Variants in PARD3B observed in about 807,000 individuals in gnomAD.
PARD3B encodes the protein par-3 family cell polarity regulator beta.
Under a neutral mutation model 130.2 loss-of-function variants are expected in PARD3B, and 103 were observed. The observed-to-expected ratio is 0.79, with a 90% CI of 0.67 to 0.93. The LOEUF (loss-of-function observed/expected upper bound fraction) is 0.93. Ranked by LOEUF, PARD3B falls within the 40% of genes least tolerant of loss-of-function variation. The pLI, the probability that PARD3B is intolerant of heterozygous loss-of-function variation, is 0.00. For missense variants in PARD3B, 1,609 were observed against 1,499.2 expected (o/e 1.07, Z -1.21); for synonymous variants, 583 against 553.2 (o/e 1.05, Z -0.76).
At chr2:204,825,679 A>G (rs181780889) in intron 2 of PARD3B, among the ~76,000 whole-genome samples, 46 of 152,290 alleles carry the variant, frequency 3.0e-4, no homozygotes, top group Admixed American at 7.2e-4. Flanking sequence ...AGTTAGGTGA[A>G]ATTCTAAATT....
intron 15 of PARD3B, among the ~76,000 whole-genome samples, chr2:205,209,417 A>C (rs556833366): frequency 6.6e-6 from 1 of 152,284 alleles, no homozygotes. Context: ...TTGTTTTCAT[A>C]TAAGAACATC....
intron 1 of PARD3B, among the ~76,000 whole-genome samples, chr2:204,605,131 T>A (rs1232778107): frequency 6.6e-6 from 1 of 152,174 alleles, no homozygotes; most frequent in East Asian, 1.9e-4. Context: ...GCTGCAAGGC[T>A]TCTTGTGACC....
Position 204,976,717 on chromosome 2 carries a change from C to G in PARD3B, c.394+11394C>G, listed in dbSNP as rs758964491. ...CCACCCCTGGACTCTAGCAATTCTT[C>G]TACCTCAGCCTCCTGAGTAGCTGGG... On this transcript the variant is annotated intron_variant, in intron 3 of 22. Transcript: ENST00000406610. 3.5e-4 allele frequency among the ~76,000 whole-genome samples: 52 copies of G among 147,132 alleles called. 1 individual carries two copies. The highest frequency in any genetic ancestry group is 6.8e-4 in the Non-Finnish European group (46 of 67,518).
rs1400101426 is a variant in PARD3B, at chr2:205,255,400, A to G, written c.2185+9578A>G. Reference sequence around the variant, plus strand: ...TTCAATTCTGGTCACCAAAATGTGTATGGTTTTTCCCCACACACACTGACC... The same window carrying G: ...TTCAATTCTGGTCACCAAAATGTGTGTGGTTTTTCCCCACACACACTGACC... On this transcript the variant is annotated intron_variant, in intron 16 of 22. Transcript: ENST00000406610. Among the ~76,000 whole-genome samples, 13 of 152,148 alleles carry G rather than the reference A, an allele frequency of 8.5e-5. 1 individual carries two copies. Among genetic ancestry groups the G allele is most frequent in the Non-Finnish European group, 1.5e-5 (1 of 68,008 alleles).
In PARD3B at chr2:205,461,944, G is replaced by A. The variant is rs1470918400; in HGVS notation, c.3044+21272G>A. Among the ~76,000 whole-genome samples, 4 of 152,188 alleles carry A rather than the reference G, an allele frequency of 2.6e-5. No individual in the cohort carries two copies. The highest frequency in any genetic ancestry group is 5.9e-5 in the Non-Finnish European group (4 of 68,030). ...AAAGGAAGAAATACTAAAATCAAAA[G>A]TAGACTTTATGAGTAAGTGTGACAA... On this transcript the variant is annotated intron_variant, in intron 20 of 22. Transcript: ENST00000406610. The surrounding 1 kb of genome is among the most constrained non-coding windows in gnomAD (Gnocchi z 4.3).
chr2:204,577,896 TA>T, intron 1 of PARD3B, among the ~76,000 whole-genome samples: 2 of 152,328 alleles, frequency 1.3e-5, no homozygotes, highest in Middle Eastern at 6.8e-3. Flanking sequence ...TGATGGTTTG[TA>T]AAGAGTGATA....
rs1043989676 is a variant in PARD3B, at chr2:205,592,833, G to A, written c.3261-22623G>A. 4.6e-5 allele frequency among the ~76,000 whole-genome samples: 7 copies of A among 152,164 alleles called. No individual in the cohort carries two copies. Among genetic ancestry groups the A allele is most frequent in the Admixed American group, 6.5e-5 (1 of 15,274 alleles). On this transcript the variant is annotated intron_variant, in intron 22 of 22. Coordinates refer to ENST00000406610, the MANE Select transcript of PARD3B (RefSeq NM_001302769.2). This position sits in a 1 kb window ranked among gnomAD's most constrained non-coding sequence, Gnocchi z 4.5. ...GGCCTCTGAGCTACTTGCCCAAACC[G>A]AACTCTGTCTTCAAGGTTCCCTTAA...
intron 18 of PARD3B, among the ~76,000 whole-genome samples, chr2:205,337,037 T>A (rs935408473): frequency 1.3e-5 from 2 of 152,202 alleles, no homozygotes; most frequent in Non-Finnish European, 2.9e-5. Flanking sequence ...CAAGTGTTAT[T>A]TTTTAAAAGT....
chr2:204,917,556 C>T (rs902294517), intron 2 of PARD3B, among the ~76,000 whole-genome samples: 7 of 152,092 alleles, frequency 4.6e-5, no homozygotes, highest in Non-Finnish European at 7.4e-5. Context: ...TCAGGAGTTT[C>T]GTTTGGGACA....
At chr2:204,839,353 A>G (rs1425681409) in intron 2 of PARD3B, among the ~76,000 whole-genome samples, 2 of 152,194 alleles carry the variant, frequency 1.3e-5, no homozygotes, top group Admixed American at 6.5e-5. Context: ...TTTGTTGAGT[A>G]AAAGTATTCT....
Position 205,163,762 on chromosome 2 carries a change from G to A in PARD3B, c.1620+4855G>A, listed in dbSNP as rs180798128. Among the ~76,000 whole-genome samples, 26 of 152,120 alleles carry A rather than the reference G, an allele frequency of 1.7e-4. No homozygotes were observed. In the East Asian group the frequency reaches 3.1e-3, roughly 18 times the overall value. ...ACTAATTTCCACCCCCATCTCTGCC[G>A]GTATCTATAAATCATGTGATAGATC... is the stretch of plus-strand genomic sequence containing the variant. On this transcript the variant is annotated intron_variant, in intron 11 of 22. Coordinates refer to ENST00000406610, the MANE Select transcript of PARD3B (RefSeq NM_001302769.2).
intron 20 of PARD3B, among the ~76,000 whole-genome samples, chr2:205,479,895 A>ATTTTT (rs71032475): frequency 1.6e-4 from 20 of 127,874 alleles, no homozygotes; most frequent in East Asian, 4.9e-4. Context: ...GCCATATGCA[A>ATTTTT]TTTTTTTTTT....
At chr2:205,017,589 C>T (rs1165971339) in intron 3 of PARD3B, among the ~76,000 whole-genome samples, 1 of 152,168 alleles carries the variant, frequency 6.6e-6, no homozygotes, top group Non-Finnish European at 1.5e-5. Context: ...GGATGGCTCT[C>T]TTTTGTATAA....
chr2:205,161,169 A>G (rs2034482289), intron 11 of PARD3B, among the ~76,000 whole-genome samples: 1 of 152,304 alleles, frequency 6.6e-6, no homozygotes, highest in Non-Finnish European at 1.5e-5. Context: ...TTTATGGGCA[A>G]TAACTTAAGC....
rs2054405402 is a variant in PARD3B, at chr2:205,592,072, A to G, written c.3261-23384A>G. Among the ~76,000 whole-genome samples the G allele has an allele frequency of 6.6e-6, 1 of 152,156 alleles. No homozygotes were observed. Among genetic ancestry groups the G allele is most frequent in the Non-Finnish European group, 1.5e-5 (1 of 68,012 alleles). On this transcript the variant is annotated intron_variant, in intron 22 of 22. Transcript: ENST00000406610. The surrounding 1 kb of genome is among the most constrained non-coding windows in gnomAD (Gnocchi z 4.5). ...TGTCAGTTACACAGTGCTTTTTCAT[A>G]CTTCCCTAATTTTATCTTCTCCCAG...
At chr2:204,686,320 T>C in intron 2 of PARD3B, 38 bp downstream of exon 2, 1 of 1,394,472 alleles carries the variant, frequency 7.2e-7, no homozygotes, top group Non-Finnish European at 1.0e-6. Flanking sequence ...TGTTTTCCTC[T>C]ACAGAGCTGC....
intron 20 of PARD3B, among the ~76,000 whole-genome samples, chr2:205,449,413 T>C (rs1249140243): frequency 6.6e-6 from 1 of 151,842 alleles, no homozygotes; most frequent in Non-Finnish European, 1.5e-5. Context: ...GTATTTTTAG[T>C]AGAGGCAGGG....
chr2:205,057,615 A>ATACGTATATATATACATATATGTGTG (rs1699784404), intron 4 of PARD3B, among the ~76,000 whole-genome samples: 2 of 147,178 alleles, frequency 1.4e-5, no homozygotes, highest in East Asian at 4.0e-4. Flanking sequence ...GTGTATGTGT[A>ATACGTATATATATACATATATGTGTG]TGTGTATACG....
intron 1 of PARD3B, among the ~76,000 whole-genome samples, chr2:204,548,063 A>G (rs1559148994): frequency 1.3e-5 from 2 of 152,140 alleles, no homozygotes; most frequent in African/African-American, 4.8e-5. Flanking sequence ...GTAGTAGGTG[A>G]TGATTTTTCC....
Sources: allele counts gnomAD v4.1 joint callset (sites outside exome capture counted in the v4.1 genomes callset), GRCh38; gene constraint gnomAD v4.1.1; non-coding constraint Gnocchi (gnomAD v3.1); transcripts MANE v1.5; gene names NCBI Gene and HGNC (gene_info 2026-07-23, HGNC 2026-07-21).